ACOT7: variants seen among roughly 807,000 people sequenced by gnomAD.
ACOT7 encodes cytosolic acyl coenzyme A thioester hydrolase.
Under a neutral mutation model 40.2 loss-of-function variants are expected in ACOT7, and 12 were observed. The ratio of observed to expected loss-of-function variants is 0.30; its 90% CI spans 0.19 to 0.48. The LOEUF is 0.48. Ranked by LOEUF, ACOT7 falls within the 20% of genes least tolerant of loss-of-function variation. The pLI is 0.99. For missense variants in ACOT7, 395 were observed against 530.8 expected, an observed-to-expected ratio of 0.74 and a Z score of 2.51; for synonymous variants, 228 against 219.5, an observed-to-expected ratio of 1.04 and a Z score of -0.34.
At chr1:6,300,087 A>T (rs17361670) in intron 6 of ACOT7, among the ~76,000 whole-genome samples, 14,231 of 152,250 alleles carry the variant, frequency 0.093, 722 homozygotes, top group African/African-American at 0.13. Flanking sequence ...ACACATTGTT[A>T]ACTGGAGTAT....
intron 1 of ACOT7, among the ~76,000 whole-genome samples, chr1:6,353,364 G>C (rs1303827544): frequency 1.3e-5 from 2 of 150,032 alleles, no homozygotes; most frequent in Non-Finnish European, 3.0e-5. Flanking sequence ...GGGCGCGGTG[G>C]CTCACACCTG....
In ACOT7 at chr1:6,338,371, C is replaced by T. The variant is rs1641168272; in HGVS notation, c.418+1062G>A. ...CCTCTCCCGAGTCGTGGGCGCTGCTCCTGTTGTGGGAGGTGCCCATACACC... is the reference window on the plus strand; with the variant it reads ...CCTCTCCCGAGTCGTGGGCGCTGCTTCTGTTGTGGGAGGTGCCCATACACC... On this transcript the variant is annotated intron_variant, in intron 3 of 8. Transcript: ENST00000361521. The surrounding 1 kb of genome is among the most constrained non-coding windows in gnomAD (Gnocchi z 4.4). Among the ~76,000 whole-genome samples the T allele has an allele frequency of 6.6e-6, 1 of 152,208 alleles. No homozygotes were observed. The highest frequency in any genetic ancestry group is 2.1e-4 in the South Asian group (1 of 4,834).
intron 1 of ACOT7, among the ~76,000 whole-genome samples, chr1:6,378,126 A>C (rs1642270210): frequency 6.8e-6 from 1 of 146,992 alleles, no homozygotes. Context: ...CAAAGCATCC[A>C]CTCGCTACAA....
intron 3 of ACOT7, among the ~76,000 whole-genome samples, chr1:6,336,045 G>GT (rs1331378146): frequency 1.3e-5 from 2 of 152,174 alleles, no homozygotes; most frequent in Non-Finnish European, 2.9e-5. Flanking sequence ...GACAACGGCA[G>GT]TATTAGAAAA....
chr1:6,377,975 C>A (rs1021450310), intron 1 of ACOT7, among the ~76,000 whole-genome samples: 2 of 152,096 alleles, frequency 1.3e-5, no homozygotes, highest in African/African-American at 2.4e-5. Context: ...GAGGCTGAGG[C>A]AGGTGAATGG....
At chr1:6,365,565 C>T (rs964039667) in intron 1 of ACOT7, among the ~76,000 whole-genome samples, 5 of 151,912 alleles carry the variant, frequency 3.3e-5, no homozygotes, top group South Asian at 2.1e-4. Flanking sequence ...GTCAGGAGAT[C>T]GAGACCATCC....
Position 6,278,552 on chromosome 1 carries a change from C to T in ACOT7, c.1014+2550G>A, listed in dbSNP as rs1035540160. Reference sequence around the variant, plus strand: ...ACAGAGGCGGAGAGGGATTTTTTTGCGGGTGTGATAATGAGTTCCATTCAG... The same window carrying T: ...ACAGAGGCGGAGAGGGATTTTTTTGTGGGTGTGATAATGAGTTCCATTCAG... On this transcript the variant is annotated intron_variant, in intron 8 of 8. Transcript: ENST00000361521. This position sits in a 1 kb window ranked among gnomAD's most constrained non-coding sequence, Gnocchi z 4.1. Among the ~76,000 whole-genome samples, 8 of 152,128 alleles carry T rather than the reference C, an allele frequency of 5.3e-5. No individual in the cohort carries two copies. In the South Asian group the frequency reaches 1.0e-3, roughly 20 times the overall value.
At chr1:6,271,678 C>T (rs184684798) in intron 8 of ACOT7, among the ~76,000 whole-genome samples, 55 of 152,300 alleles carry the variant, frequency 3.6e-4, no homozygotes, top group Non-Finnish European at 7.1e-4. Flanking sequence ...TTAATTACCT[C>T]CTCCTCCACA....
chr1:6,360,773 T>G, intron 1 of ACOT7: 1 of 1,527,726 alleles, frequency 6.5e-7, no homozygotes, highest in Non-Finnish European at 8.8e-7. Flanking sequence ...AGGCGGGCAT[T>G]GCTGCCTCCC....
intron 6 of ACOT7, among the ~76,000 whole-genome samples, chr1:6,309,789 G>T (rs1434105994): frequency 1.3e-5 from 2 of 152,130 alleles, no homozygotes; most frequent in East Asian, 3.9e-4. Flanking sequence ...CGCTCCCCTG[G>T]ATATGAGAAA....
At chr1:6,339,352 C>T (rs1418451044) in intron 3 of ACOT7, 81 bp downstream of exon 3, 10 of 1,588,616 alleles carry the variant, frequency 6.3e-6, no homozygotes, top group South Asian at 4.5e-5. Flanking sequence ...GGCCCTGGAG[C>T]GTCCTCTGCC....
Position 6,311,534 on chromosome 1 carries a change from G to A in ACOT7, c.712+6958C>T, listed in dbSNP as rs1251448906. ...CCGCAAGGTTCAATCTGCCCCTCAA[G>A]GTATCTCAACTCCCTCCGTCCCCAG... On this transcript the variant is annotated intron_variant, in intron 6 of 8. Coordinates refer to ENST00000361521, the MANE Select transcript of ACOT7 (RefSeq NM_007274.4). This position sits in a 1 kb window ranked among gnomAD's most constrained non-coding sequence, Gnocchi z 5.2. 2.0e-5 allele frequency among the ~76,000 whole-genome samples: 3 copies of A among 152,176 alleles called. No individual in the cohort carries two copies. The highest frequency in any genetic ancestry group is 4.4e-5 in the Non-Finnish European group (3 of 68,032).
At position 6,339,431 on chromosome 1, in the gene ACOT7, A is replaced by C; in HGVS notation, c.418+2T>G. 6.2e-7 allele frequency: 1 copy of C among 1,612,794 alleles called. No individual in the cohort carries two copies. Among genetic ancestry groups the C allele is most frequent in the Non-Finnish European group, 8.5e-7 (1 of 1,179,986 alleles). On this transcript the variant is annotated splice_donor_variant, in intron 3 of 8. Transcript: ENST00000361521. LOFTEE classifies it high-confidence loss of function. The stretch of plus-strand genomic sequence containing the variant: ...AGTCAACACTGTCGCTCCCAGAAGT[A>C]CCTGTGAGGATGTTTTCGGACATCA...
intron 1 of ACOT7, among the ~76,000 whole-genome samples, chr1:6,363,018 ACTAGAT>A (rs1458033232): frequency 1.3e-5 from 2 of 152,234 alleles, no homozygotes; most frequent in African/African-American, 2.4e-5. Flanking sequence ...TAAGAATTAT[ACTAGAT>A]CTAGATCATA....
intron 7 of ACOT7, among the ~76,000 whole-genome samples, chr1:6,283,340 T>G (rs889272846): frequency 6.6e-6 from 1 of 152,126 alleles, no homozygotes; most frequent in Admixed American, 6.5e-5. Context: ...TTTTGTATCT[T>G]TTGTAGAGAT....
At chr1:6,385,075 A>G (rs1006044990) in intron 1 of ACOT7, among the ~76,000 whole-genome samples, 6 of 151,984 alleles carry the variant, frequency 3.9e-5, no homozygotes, top group Admixed American at 3.9e-4. Context: ...CCAATCGTGC[A>G]GGAACAGCTC....
In ACOT7 at chr1:6,282,404, C is replaced by T. The variant is rs371944038; in HGVS notation, c.830-1118G>A. Among the ~76,000 whole-genome samples the T allele has an allele frequency of 5.9e-5, 9 of 152,188 alleles. No homozygotes were observed. The highest frequency in any genetic ancestry group is 1.2e-4 in the Non-Finnish European group (8 of 68,026). On this transcript the variant is annotated intron_variant, in intron 7 of 8. Coordinates refer to ENST00000361521, the MANE Select transcript of ACOT7 (RefSeq NM_007274.4). This position sits in a 1 kb window ranked among gnomAD's most constrained non-coding sequence, Gnocchi z 4.5. ...GACTTCCGGGGCAAGTGCTGCCCTG[C>T]GGTCAGAATGCCCTCCCAGGCGGCC...
At chr1:6,378,320 G>A (rs1197381884) in intron 1 of ACOT7, among the ~76,000 whole-genome samples, 5 of 151,764 alleles carry the variant, frequency 3.3e-5, no homozygotes, top group African/African-American at 1.2e-4. Flanking sequence ...CCAGACTGCG[G>A]CAGATGGTCC....
rs1316652363 is a variant in ACOT7, at chr1:6,306,303, C to A, written c.713-11323G>T. The A allele has an allele frequency of 1.0e-6, 1 of 985,156 alleles. No homozygotes were observed. Among genetic ancestry groups the A allele is most frequent in the African/African-American group, 1.7e-5 (1 of 57,212 alleles). The allele number at this position is 985,156 out of a possible 1,614,324, so 61.0% of individuals were successfully genotyped here. A position where few individuals can be genotyped will look rare whatever the true frequency, so the allele number is the denominator to read the frequency against. ...CATATTTCTGGAAAGGGGTCAGTGC[C>A]CCATGATTTGAGAGGGATGACGTGC... is the stretch of plus-strand genomic sequence containing the variant. On this transcript the variant is annotated intron_variant, in intron 6 of 8. Transcript: ENST00000361521. This position sits in a 1 kb window ranked among gnomAD's most constrained non-coding sequence, Gnocchi z 4.3.
Sources: gnomAD v4.1 joint callset for allele counts (sites outside exome capture counted in the v4.1 genomes callset) on GRCh38, gnomAD v4.1.1 for gene constraint, Gnocchi (gnomAD v3.1) non-coding constraint, MANE v1.5 for transcripts, NCBI Gene and HGNC (gene_info 2026-07-23, HGNC 2026-07-21) for gene names.